Variants in DPP10 observed in about 807,000 individuals in gnomAD.
The protein encoded by DPP10 is dipeptidyl peptidase like 10.
DPP10 carries 33 observed loss-of-function variants against 120.9 expected under a neutral mutation model. That is an observed-to-expected ratio of 0.27 (90% confidence interval 0.21 to 0.37). The LOEUF is 0.37. Among genes scored for constraint, DPP10 ranks in the 10% least tolerant of loss-of-function variants. The pLI, the probability that DPP10 is intolerant of heterozygous loss-of-function variation, is 1.00. For synonymous variants in DPP10, 337 were observed against 326.1 expected, an observed-to-expected ratio of 1.03 and a Z score of -0.36; for missense variants, 816 against 942.8, an observed-to-expected ratio of 0.87 and a Z score of 1.76.
rs77674911 is a variant in DPP10 at position 114,815,591 on chromosome 2, C to T, written c.60+372753C>T. Among the ~76,000 whole-genome samples, 37 of 152,320 alleles carry T rather than the reference C, an allele frequency of 2.4e-4. 1 individual carries two copies. In the East Asian group the frequency reaches 5.0e-3, roughly 21 times the overall value. On this transcript the variant is annotated intron_variant, in intron 1 of 25. Coordinates refer to ENST00000410059, the MANE Select transcript of DPP10 (RefSeq NM_020868.6). Reference sequence around the variant, plus strand: ...AAATTAATAGGAGCAATTATAGGAGCATAACCTAGGTAGAGCTGCCTAATG... The same window carrying T: ...AAATTAATAGGAGCAATTATAGGAGTATAACCTAGGTAGAGCTGCCTAATG...
intron 1 of DPP10, among the ~76,000 whole-genome samples, chr2:114,741,725 T>C (rs981195009): frequency 1.3e-5 from 2 of 152,064 alleles, no homozygotes; most frequent in African/African-American, 2.4e-5. Context: ...CACGTGAACA[T>C]AGAAACACAC....
At chr2:114,714,168 T>C (rs996529915) in intron 1 of DPP10, among the ~76,000 whole-genome samples, 1 of 151,542 alleles carries the variant, frequency 6.6e-6, no homozygotes. Flanking sequence ...GGTGTAGTGA[T>C]GTGGAGTATT....
chr2:115,258,040 A>C (rs2059084288), intron 1 of DPP10, among the ~76,000 whole-genome samples: 1 of 152,220 alleles, frequency 6.6e-6, no homozygotes. Flanking sequence ...TCTATTCCTT[A>C]AATGGAAACA....
At chr2:115,406,437 T>C (rs2068513897) in intron 3 of DPP10, among the ~76,000 whole-genome samples, 1 of 152,222 alleles carries the variant, frequency 6.6e-6, no homozygotes, top group Non-Finnish European at 1.5e-5. Flanking sequence ...AAATACTATT[T>C]ATAATAGAAT....
chr2:114,985,738 G>A (rs1158386881), intron 1 of DPP10, among the ~76,000 whole-genome samples: 2 of 152,124 alleles, frequency 1.3e-5, no homozygotes, highest in African/African-American at 2.4e-5. Context: ...ATAAAATGAT[G>A]AAACATAGTA....
intron 1 of DPP10, among the ~76,000 whole-genome samples, chr2:114,602,325 G>C (rs1049728611): frequency 5.3e-5 from 8 of 151,916 alleles, no homozygotes; most frequent in Admixed American, 3.3e-4. Context: ...ATGTGTGTGT[G>C]TGTGTGTGTG....
At chr2:115,032,207 C>A (rs1298575401) in intron 1 of DPP10, among the ~76,000 whole-genome samples, 2 of 137,148 alleles carry the variant, frequency 1.5e-5, no homozygotes, top group East Asian at 2.2e-4. Flanking sequence ...TTTTTTCTTA[C>A]CAAAATGCCA....
chr2:114,460,571 GAC>G lies in DPP10; in HGVS notation c.60+17737_60+17738del, dbSNP rs1472542863. ...CAAGGTGTACATTTAACTTATTTAT[GAC>G]ACAAATTTTTTCAAGCCTCCATTTT... On this transcript the variant is annotated intron_variant, in intron 1 of 25. Transcript: ENST00000410059. Among the ~76,000 whole-genome samples, 13 of 152,122 alleles carry G rather than the reference GAC, an allele frequency of 8.5e-5. No homozygotes were observed. The East Asian group carries it at 1.9e-3, about 23-fold the overall frequency.
chr2:114,814,864 TC>T (rs1685492803), intron 1 of DPP10, among the ~76,000 whole-genome samples: 1 of 152,234 alleles, frequency 6.6e-6, no homozygotes. Context: ...GCTGTTGCTG[TC>T]CAGCTGAAGA....
intron 3 of DPP10, among the ~76,000 whole-genome samples, chr2:115,458,913 CATTT>C (rs2073798124): frequency 6.6e-6 from 1 of 152,078 alleles, no homozygotes; most frequent in South Asian, 2.1e-4. Context: ...GCTAGGTTCT[CATTT>C]AATCACAAGG....
At chr2:115,268,230 G>C (rs1309756960) in intron 1 of DPP10, among the ~76,000 whole-genome samples, 2 of 152,232 alleles carry the variant, frequency 1.3e-5, no homozygotes, top group Non-Finnish European at 1.5e-5. Flanking sequence ...TGAGTTCTTA[G>C]AATAACCCAC....
intron 1 of DPP10, among the ~76,000 whole-genome samples, chr2:114,594,469 G>T (rs973613757): frequency 6.8e-6 from 1 of 146,124 alleles, no homozygotes; most frequent in Non-Finnish European, 1.5e-5. Context: ...TATGTAAAAG[G>T]GAGTTTATTA....
At chr2:115,043,303 C>T (rs2420586) in intron 1 of DPP10, among the ~76,000 whole-genome samples, 147,395 of 152,294 alleles carry the variant, frequency 0.97, 71,536 homozygotes, top group Middle Eastern at 1. Flanking sequence ...AAATCAATCT[C>T]GAAAAGGTCA....
chr2:114,953,890 A>T (rs1474948849), intron 1 of DPP10, among the ~76,000 whole-genome samples: 1 of 152,108 alleles, frequency 6.6e-6, no homozygotes, highest in African/African-American at 2.4e-5. Flanking sequence ...ATTTTGAAGC[A>T]ACAATTGCTT....
chr2:114,745,659 ATTTC>A (rs1173618341), intron 1 of DPP10, among the ~76,000 whole-genome samples: 1 of 152,254 alleles, frequency 6.6e-6, no homozygotes, highest in African/African-American at 2.4e-5. Flanking sequence ...ATTGATTTCC[ATTTC>A]TTTCCTGCTT....
At chr2:115,486,180 A>G (rs897158160) in intron 3 of DPP10, among the ~76,000 whole-genome samples, 6 of 152,030 alleles carry the variant, frequency 3.9e-5, no homozygotes, top group Admixed American at 2.0e-4. Context: ...TTCTTCTATC[A>G]CCTTTTGTAT....
chr2:115,405,281 G>A (rs2068423725), intron 3 of DPP10, among the ~76,000 whole-genome samples: 1 of 152,170 alleles, frequency 6.6e-6, no homozygotes, highest in Non-Finnish European at 1.5e-5. Context: ...AGCCCAGCAG[G>A]GTAGACATTA....
chr2:115,813,268 T>A (rs747703423), intron 19 of DPP10, among the ~76,000 whole-genome samples: 7 of 152,158 alleles, frequency 4.6e-5, no homozygotes, highest in African/African-American at 7.2e-5. Context: ...GGAAATTAAT[T>A]TTCTCACAGC....
chr2:115,618,074 G>T (rs953821314), intron 5 of DPP10, among the ~76,000 whole-genome samples: 9 of 152,062 alleles, frequency 5.9e-5, no homozygotes, highest in African/African-American at 2.2e-4. Flanking sequence ...AATTATTTCT[G>T]GACTTTTCCA....
Sources: allele counts gnomAD v4.1 joint callset (sites outside exome capture counted in the v4.1 genomes callset), GRCh38; gene constraint gnomAD v4.1.1; transcripts MANE v1.5; gene names NCBI Gene and HGNC (gene_info 2026-07-23, HGNC 2026-07-21).